The following CEP128 variants were observed in gnomAD, a reference collection of about 807,000 sequenced individuals.
CEP128 encodes the protein centrosomal protein 128.
A neutral mutation model predicts 156.7 loss-of-function variants in CEP128; 132 were observed. That is an observed-to-expected ratio of 0.84 (90% CI 0.73 to 0.97). The LOEUF is 0.97. CEP128 is among the 50% of genes least tolerant of loss of function. The probability of loss-of-function intolerance (pLI) is 0.00; values close to 1 mark genes in which losing one functional copy is unlikely to be tolerated. For missense variants in CEP128, 1,252 were observed against 1,281.9 expected (o/e 0.98, Z 0.36); for synonymous variants, 469 against 448.9 (o/e 1.04, Z -0.57).
intron 19 of CEP128, among the ~76,000 whole-genome samples, chr14:80,615,201 T>C (rs1487276527): frequency 6.6e-6 from 1 of 151,990 alleles, no homozygotes; most frequent in Non-Finnish European, 1.5e-5. Flanking sequence ...TCACACAAAC[T>C]AGTAACAGTA....
intron 20 of CEP128, among the ~76,000 whole-genome samples, chr14:80,560,180 C>T (rs1308052671): frequency 6.6e-6 from 1 of 152,174 alleles, no homozygotes; most frequent in African/African-American, 2.4e-5. Flanking sequence ...AATCCCAGCA[C>T]TTTGGGAGGC....
chr14:80,852,701 C>T (rs1352110479), intron 9 of CEP128, among the ~76,000 whole-genome samples: 1 of 151,704 alleles, frequency 6.6e-6, no homozygotes, highest in Non-Finnish European at 1.5e-5. Context: ...ATATTAGACA[C>T]AAATTGTTTT....
chr14:80,478,794 C>G (rs2122431), intron 14 of CEP128, among the ~76,000 whole-genome samples: 67,109 of 152,110 alleles, frequency 0.44, 16,722 homozygotes, highest in East Asian at 0.69. Context: ...ATGCTTATAA[C>G]AATATATCTC....
At chr14:80,915,263 C>T (rs1474921082) in intron 3 of CEP128, among the ~76,000 whole-genome samples, 1 of 151,966 alleles carries the variant, frequency 6.6e-6, no homozygotes, top group Non-Finnish European at 1.5e-5. Flanking sequence ...CTCAAGTGAT[C>T]CTCCCACCTC....
At chr14:80,929,231 TG>T (rs1885316449) in intron 2 of CEP128, among the ~76,000 whole-genome samples, 1 of 152,130 alleles carries the variant, frequency 6.6e-6, no homozygotes, top group Non-Finnish European at 1.5e-5. Flanking sequence ...GATATTGGTG[TG>T]GATGTAATGA....
Position 80,866,275 on chromosome 14 carries a change from C to T in CEP128, c.646-3402G>A, listed in dbSNP as rs576688943. Among the ~76,000 whole-genome samples the T allele has an allele frequency of 2.4e-4, 36 of 152,240 alleles. No homozygotes were observed. In the South Asian group the frequency reaches 6.4e-3, roughly 27 times the overall value. On this transcript the variant is annotated intron_variant, in intron 8 of 24. Transcript: ENST00000555265. ...GTCTCACCACAGTGCCAGACCAGCT[C>T]CTATGGGCATAAGCTCCAAGCCTAT...
chr14:80,822,045 G>A (rs566162149), intron 13 of CEP128, among the ~76,000 whole-genome samples: 1 of 152,202 alleles, frequency 6.6e-6, no homozygotes, highest in Non-Finnish European at 1.5e-5. Context: ...CTGCCCCCGT[G>A]ATTCAAATAC....
chr14:80,787,704 T>C (rs1277414258), intron 14 of CEP128, among the ~76,000 whole-genome samples: 1 of 152,034 alleles, frequency 6.6e-6, no homozygotes, highest in Non-Finnish European at 1.5e-5. Context: ...TGATATATGT[T>C]TGAAGCAGAT....
intron 7 of CEP128, among the ~76,000 whole-genome samples, chr14:80,896,959 T>C (rs993402728): frequency 6.6e-6 from 1 of 152,220 alleles, no homozygotes. Context: ...TATCTTTATC[T>C]TTCTATTTCT....
At chr14:80,714,238 C>T (rs560188809) in intron 19 of CEP128, among the ~76,000 whole-genome samples, 5 of 152,180 alleles carry the variant, frequency 3.3e-5, no homozygotes, top group African/African-American at 9.6e-5. Flanking sequence ...GTTGTGCATA[C>T]ACTTGGAATT....
At chr14:80,522,283 G>A (rs1888779634) in intron 23 of CEP128, among the ~76,000 whole-genome samples, 1 of 152,180 alleles carries the variant, frequency 6.6e-6, no homozygotes, top group Non-Finnish European at 1.5e-5. Context: ...GCCATTAATT[G>A]CTGTGAGCAA....
intron 16 of CEP128, among the ~76,000 whole-genome samples, chr14:80,763,773 T>C (rs17541411): frequency 0.19 from 28,492 of 152,160 alleles, 3,439 homozygotes; most frequent in Non-Finnish European, 0.27. Flanking sequence ...GATTTAAACA[T>C]TTTTTGAAGA....
At chr14:80,541,242 T>C (rs2140310660) in intron 21 of CEP128, among the ~76,000 whole-genome samples, 1 of 152,252 alleles carries the variant, frequency 6.6e-6, no homozygotes, top group Admixed American at 6.5e-5. Context: ...AGCATTAAGT[T>C]CTTCCTATAG....
At chr14:80,532,203 T>A (rs1530768) in intron 21 of CEP128, among the ~76,000 whole-genome samples, 103,785 of 151,130 alleles carry the variant, frequency 0.69, 39,331 homozygotes, top group East Asian at 0.85. Context: ...ATATATATAT[T>A]TTTTTTCTGA....
intron 7 of CEP128, among the ~76,000 whole-genome samples, chr14:80,896,742 C>T (rs1889366386): frequency 6.6e-6 from 1 of 152,076 alleles, no homozygotes; most frequent in South Asian, 2.1e-4. Context: ...TTATATGGGC[C>T]TTACTTATCA....
intron 21 of CEP128, among the ~76,000 whole-genome samples, chr14:80,558,662 A>G (rs1890543422): frequency 6.6e-6 from 1 of 152,078 alleles, no homozygotes. Context: ...ACCTCAAATG[A>G]TCCACCTGCC....
upstream of CEP128, chr14:80,945,767 C>T (rs1886326029): frequency 6.6e-6 from 1 of 152,208 alleles, no homozygotes; most frequent in Admixed American, 6.5e-5. Flanking sequence ...ACAATGCTAA[C>T]CTGCACAGAC....
At chr14:80,841,267 G>C (rs1032181712) in intron 9 of CEP128, among the ~76,000 whole-genome samples, 2 of 152,070 alleles carry the variant, frequency 1.3e-5, no homozygotes, top group Admixed American at 1.3e-4. Context: ...CAATTTTAGT[G>C]TTTAGACTTA....
chr14:80,781,455 C>CAA (rs67179008), intron 15 of CEP128, among the ~76,000 whole-genome samples: 10,611 of 90,084 alleles, frequency 0.12, 1,101 homozygotes, highest in East Asian at 0.45. Context: ...GACTCCGTCT[C>CAA]AAAAAAAAAA....
Sources: allele counts gnomAD v4.1 joint callset (sites outside exome capture counted in the v4.1 genomes callset), GRCh38; gene constraint gnomAD v4.1.1; transcripts MANE v1.5; gene names NCBI Gene and HGNC (gene_info 2026-07-23, HGNC 2026-07-21).